NID2: variants seen among roughly 807,000 people sequenced by gnomAD.
NID2 encodes nidogen 2.
A neutral mutation model predicts 145.4 loss-of-function variants in NID2; 83 were observed. The observed-to-expected ratio is 0.57, with a 90% CI of 0.48 to 0.69. The LOEUF (loss-of-function observed/expected upper bound fraction) is 0.69, where lower values mean the gene tolerates loss of function less well. NID2 is among the 30% of genes least tolerant of loss of function. The pLI is 0.00. For missense variants in NID2, 1,807 were observed against 1,765.7 expected (o/e 1.02, Z -0.42); for synonymous variants, 739 against 701.3 (o/e 1.05, Z -0.85).
chr14:52,032,582 ATCTCCCATC>A (rs1891906726), intron 9 of NID2, among the ~76,000 whole-genome samples: 3 of 45,062 alleles, frequency 6.7e-5, no homozygotes, highest in Admixed American at 4.8e-4. Context: ...GAACGTGATC[ATCTCCCATC>A]ATTTCTCCAT....
chr14:52,040,904 G>T, intron 7 of NID2, 53 bp from the exon 8 acceptor site: 1 of 1,544,272 alleles, frequency 6.5e-7, no homozygotes, highest in Non-Finnish European at 9.0e-7. Context: ...TGCTTAAACA[G>T]TTACCAGTAT....
chr14:52,057,064 G>A (rs1036850872), intron 3 of NID2, among the ~76,000 whole-genome samples: 3 of 152,106 alleles, frequency 2.0e-5, no homozygotes, highest in South Asian at 2.1e-4. Flanking sequence ...TAGAGGTAGG[G>A]TCTCCCTCTG....
chr14:52,037,196 C>G (rs770006569), intron 9 of NID2, among the ~76,000 whole-genome samples: 1 of 152,146 alleles, frequency 6.6e-6, no homozygotes, highest in Non-Finnish European at 1.5e-5. Context: ...ACTCAGTGGT[C>G]CCAGCACCAT....
At position 52,011,123 on chromosome 14, in the gene NID2, G is replaced by A; in HGVS notation, c.3551-76C>T. The A allele has an allele frequency of 3.4e-6, 5 of 1,462,926 alleles. No individual in the cohort carries two copies. In the South Asian group the frequency reaches 3.6e-5, roughly 11 times the overall value. The allele number at this position is 1,462,926 out of a possible 1,614,324, so 90.6% of individuals were successfully genotyped here. A position where few individuals can be genotyped will look rare whatever the true frequency, so the allele number is the denominator to read the frequency against. ...AAACCTGAAGCCCTCCAACGGTCGG[G>A]TGGGCAGGGGGGTCAGCAGGGGAAA... On this transcript the variant is annotated intron_variant, in intron 17 of 21. Transcript: ENST00000216286.
Position 52,068,028 on chromosome 14 carries a change from C to G in NID2, c.364G>C (p.Val122Leu), listed in dbSNP as rs1404832678. Residue 122 changes from valine (V) to leucine (L), a missense_variant, in exon 2 of 22, where the codon GTC (valine) becomes CTC (leucine). Physicochemically the swap from Val to Leu is conservative, Grantham distance 32. Transcript: ENST00000216286. ...GGGGAGGTGTCCTCTCGGTACAGGA[C>G]TCGGCCTCTGCCGTGGCTCGTGTCG... ...DIDTSHGRGR[V>L]LYREDTSPAV... The G allele has an allele frequency of 1.2e-6, 2 of 1,613,994 alleles. No individual in the cohort carries two copies. The highest frequency in any genetic ancestry group is 1.7e-6 in the Non-Finnish European group (2 of 1,179,938).
intron 5 of NID2, among the ~76,000 whole-genome samples, chr14:52,053,115 A>G (rs912682093): frequency 7.2e-5 from 11 of 152,056 alleles, no homozygotes; most frequent in Non-Finnish European, 4.4e-5. Flanking sequence ...TATCTCCCCA[A>G]CCAAGGGAAG....
Position 52,006,646 on chromosome 14 carries a change from C to T in NID2, c.3895G>A (p.Glu1299Lys). The change falls in exon 20 of 22, where the codon GAG (glutamate) becomes AAG (lysine). Residue 1299 changes from glutamate (E) to lysine (K), a missense_variant. By Grantham distance (56) the Glu-to-Lys change is moderately conservative. Transcript: ENST00000216286. Reference protein sequence around the residue: ...CWADAGTKKLECTLPDGTGRR... With the variant: ...CWADAGTKKLKCTLPDGTGRR... The stretch of plus-strand genomic sequence containing the variant: ...CCAGTTCCATCAGGTAGTGTACACT[C>T]CAGTTTTTTGGTTCCTTTTAAAACA... The T allele has an allele frequency of 6.2e-7, 1 of 1,613,336 alleles. No homozygotes were observed. Among genetic ancestry groups the T allele is most frequent in the Non-Finnish European group, 8.5e-7 (1 of 1,179,562 alleles).
At chr14:52,040,957 C>T in intron 7 of NID2, 106 bp from the exon 8 acceptor site, 3 of 952,434 alleles carry the variant, frequency 3.1e-6, no homozygotes, top group Non-Finnish European at 3.3e-6. Flanking sequence ...GAGATCGTGC[C>T]TAAGGAGATT....
rs117630913 is a variant in NID2, at chr14:52,065,014, T to C, written c.534+2844A>G. 2.1e-3 allele frequency among the ~76,000 whole-genome samples: 326 copies of C among 152,312 alleles called. 1 individual carries two copies. The highest frequency in any genetic ancestry group is 3.4e-3 in the Middle Eastern group (1 of 294). On this transcript the variant is annotated intron_variant, in intron 2 of 21. Transcript: ENST00000216286. ...GTATTTCAAAGGTCTACACCATAAC[T>C]TTTTTGCTCTGTGAACTACCTATGA...
intron 9 of NID2, among the ~76,000 whole-genome samples, chr14:52,034,490 T>C (rs1269834400): frequency 6.6e-6 from 1 of 152,218 alleles, no homozygotes; most frequent in Non-Finnish European, 1.5e-5. Context: ...CATTTTCATG[T>C]GTTCATTTGC....
chr14:52,005,737 C>T lies in NID2; in HGVS notation c.4117G>A (p.Gly1373Arg). Residue 1373 changes from glycine (G) to arginine (R), a missense_variant and splice_region_variant, in exon 21 of 22, where the codon GGA becomes AGA. Transcript: ENST00000216286. Reference sequence around the variant, plus strand: ...GAGCATCCTAAAGCATACTTTTTACCTGTTGGGCAGTAGGGGTAGACTGCA... The same window carrying T: ...GAGCATCCTAAAGCATACTTTTTACTTGTTGGGCAGTAGGGGTAGACTGCA... ...ITAVYPYCPT[G>R]RK is the part of the protein sequence containing the mutation. The T allele has an allele frequency of 6.2e-7, 1 of 1,609,146 alleles. No homozygotes were observed. The highest frequency in any genetic ancestry group is 8.5e-7 in the Non-Finnish European group (1 of 1,175,492).
rs17124891 is a variant in NID2, at chr14:52,016,884, G to T, written c.3029-1609C>A. On this transcript the variant is annotated intron_variant, in intron 14 of 21. Coordinates refer to ENST00000216286, the MANE Select transcript of NID2 (RefSeq NM_007361.4). ...CAAAAGACTGCGAATGAAGTTGTCA[G>T]AGCTCAAACCCAACTAGCTCTAGCT... 8.7e-3 allele frequency among the ~76,000 whole-genome samples: 1,324 copies of T among 152,296 alleles called. 17 individuals carry two copies. Among genetic ancestry groups the T allele is most frequent in the African/African-American group, 0.031 (1,271 of 41,556 alleles).
chr14:52,011,113 C>T (rs1390833870), intron 17 of NID2, 66 bp from the exon 18 acceptor site: 16 of 1,543,704 alleles, frequency 1.0e-5, no homozygotes, highest in Non-Finnish European at 1.4e-5. Flanking sequence ...TGAAGCCCTC[C>T]AACGGTCGGG....
intron 5 of NID2, among the ~76,000 whole-genome samples, chr14:52,048,517 A>G (rs1345938921): frequency 6.6e-6 from 1 of 151,886 alleles, no homozygotes. Context: ...GAAAAGTGGC[A>G]CTTTTTCTTT....
rs745685858 is a variant in NID2 at position 52,060,263 on chromosome 14, G to A, written c.628C>T (p.Arg210Cys). 21 of 1,613,492 alleles carry A rather than the reference G, an allele frequency of 1.3e-5. No homozygotes were observed. Among genetic ancestry groups the A allele is most frequent in the South Asian group, 3.3e-5 (3 of 91,054 alleles). ...PANGLQFLGT[R>C]PKESYNVQLQ... ...TGGACATTGTAAGACTCTTTGGGGC[G>A]GGTTCCAAGGAACTGCAGGCCGTTG... Residue 210 changes from arginine (R) to cysteine (C), a missense_variant, in exon 3 of 22, where the codon CGC becomes TGC. By Grantham distance (180) the Arg-to-Cys change is radical (BLOSUM62 -3). Coordinates refer to ENST00000216286, the MANE Select transcript of NID2 (RefSeq NM_007361.4).
intron 16 of NID2, chr14:52,011,911 A>G (rs563560817): frequency 6.0e-6 from 3 of 497,086 alleles, no homozygotes; most frequent in East Asian, 7.0e-5. Flanking sequence ...TCTCATTTGC[A>G]AAATGAGGCC....
At chr14:52,065,452 C>G (rs1190210546) in intron 2 of NID2, among the ~76,000 whole-genome samples, 1 of 122,672 alleles carries the variant, frequency 8.2e-6, no homozygotes, top group Non-Finnish European at 1.6e-5. Context: ...CAGAATCCTC[C>G]TTTCTTTTTT....
rs964327112 is a variant in NID2, at chr14:52,067,992, C to T, written c.400G>A (p.Gly134Ser). 3.1e-6 allele frequency: 5 copies of T among 1,612,330 alleles called. No homozygotes were observed. The highest frequency in any genetic ancestry group is 4.2e-6 in the Non-Finnish European group (5 of 1,179,008). ...YREDTSPAVL[G>S]LAARYVRAGF... is the part of the protein sequence containing the mutation. ...GCGCGCACATAGCGGGCGGCCAGGCCCAGCACTGCGGGGGAGGTGTCCTCT... is the reference window on the plus strand; with the variant it reads ...GCGCGCACATAGCGGGCGGCCAGGCTCAGCACTGCGGGGGAGGTGTCCTCT... The change falls in exon 2 of 22, where the codon GGC (glycine) becomes AGC (serine). Residue 134 changes from glycine to serine, a missense_variant. Physicochemically the swap from Gly to Ser is moderately conservative, Grantham distance 56. Coordinates refer to ENST00000216286, the MANE Select transcript of NID2 (RefSeq NM_007361.4).
At chr14:52,034,788 A>C (rs1442805629) in intron 9 of NID2, among the ~76,000 whole-genome samples, 2 of 152,168 alleles carry the variant, frequency 1.3e-5, no homozygotes, top group Admixed American at 6.5e-5. Context: ...ACAGTGGCTG[A>C]ATTGAGGAAG....
Sources: allele counts gnomAD v4.1 joint callset (sites outside exome capture counted in the v4.1 genomes callset), GRCh38; gene constraint gnomAD v4.1.1; transcripts MANE v1.5; gene names NCBI Gene and HGNC (gene_info 2026-07-23, HGNC 2026-07-21).